YEATS4: variants seen among roughly 807,000 people sequenced by gnomAD.
YEATS4 encodes the protein YEATS domain containing 4, also known as YEATS domain-containing protein 4.
YEATS4 carries 17 observed loss-of-function variants against 30.1 expected under a neutral mutation model. The observed-to-expected ratio is 0.56, with a 90% confidence interval of 0.39 to 0.85. The LOEUF (loss-of-function observed/expected upper bound fraction) is 0.85. YEATS4 is among the 40% of genes least tolerant of loss of function. The probability of loss-of-function intolerance (pLI) is 0.00; values close to 1 mark genes in which losing one functional copy is unlikely to be tolerated. For missense variants in YEATS4, 142 were observed against 268.3 expected, an observed-to-expected ratio of 0.53 and a Z score of 3.29; for synonymous variants, 85 against 87.5, an observed-to-expected ratio of 0.97 and a Z score of 0.16.
At chr12:69,422,396 C>T in the YEATS4 span, among the ~76,000 whole-genome samples, 3 of 152,058 alleles carry the variant, frequency 2.0e-5, no homozygotes, top group Admixed American at 6.6e-5. Context: ...CTTTCAGAGG[C>T]TGAGGTGGGC....
At chr12:69,405,007 A>T in the YEATS4 span, among the ~76,000 whole-genome samples, 5 of 152,232 alleles carry the variant, frequency 3.3e-5, no homozygotes, top group Non-Finnish European at 5.9e-5. Flanking sequence ...CACAGAAAGA[A>T]GCAGAGAGAG....
intron 6 of YEATS4, among the ~76,000 whole-genome samples, chr12:69,376,091 G>T (rs1281282905): frequency 6.6e-6 from 1 of 152,170 alleles, no homozygotes; most frequent in Non-Finnish European, 1.5e-5. Context: ...TACAGGCTGG[G>T]TGTGGTGGCT....
the YEATS4 span, among the ~76,000 whole-genome samples, chr12:69,425,140 C>A: frequency 2.6e-5 from 4 of 152,172 alleles, no homozygotes; most frequent in African/African-American, 9.6e-5. Flanking sequence ...TCAGGCTGGT[C>A]TCAAACTCCC....
chr12:69,359,761 C>G lies in YEATS4; in HGVS notation c.-212C>G. The G allele has an allele frequency of 3.5e-6, 2 of 577,956 alleles. No individual in the cohort carries two copies. Among genetic ancestry groups the G allele is most frequent in the Non-Finnish European group, 6.0e-6 (2 of 335,598 alleles). 35.8% of individuals were successfully genotyped at this position (577,956 alleles called of 1,614,324 possible). A position where few individuals can be genotyped will look rare whatever the true frequency, so the allele number is the denominator to read the frequency against. Reference sequence around the variant, plus strand: ...GTCGCCCCTCTTTTCGCGGCGTTCTCCACCTGCGCGGGCCTGAATGGCCTT... The same window carrying G: ...GTCGCCCCTCTTTTCGCGGCGTTCTGCACCTGCGCGGGCCTGAATGGCCTT... On this transcript the variant is annotated 5_prime_UTR_variant, in exon 1 of 7. Transcript: ENST00000247843.
chr12:69,424,676 A>G, the YEATS4 span, among the ~76,000 whole-genome samples: 1 of 151,956 alleles, frequency 6.6e-6, no homozygotes, highest in Non-Finnish European at 1.5e-5. Flanking sequence ...TGATGGCTTT[A>G]TAAGGAGCTC....
In YEATS4 at chr12:69,383,811, G is replaced by A. The variant is rs563072184; in HGVS notation, c.515-6336G>A. ...CAGACACTGTGGGCAACTCTGTCTT[G>A]AAGCCTGGCTGTAAAGAGGAGCAGT... is the stretch of plus-strand genomic sequence containing the variant. On this transcript the variant is annotated intron_variant, in intron 6 of 6. Transcript: ENST00000247843. Among the ~76,000 whole-genome samples the A allele has an allele frequency of 2.6e-5, 4 of 152,316 alleles. No homozygotes were observed. In the South Asian group the frequency reaches 6.2e-4, roughly 24 times the overall value.
the YEATS4 span, among the ~76,000 whole-genome samples, chr12:69,419,033 A>G: frequency 6.9e-6 from 1 of 145,448 alleles, no homozygotes; most frequent in East Asian, 2.0e-4. Flanking sequence ...ATATATATAT[A>G]TGTATATGAG....
At chr12:69,419,970 T>C in the YEATS4 span, among the ~76,000 whole-genome samples, 1 of 152,216 alleles carries the variant, frequency 6.6e-6, no homozygotes, top group Non-Finnish European at 1.5e-5. Flanking sequence ...GAAATCTGGC[T>C]GGGCCTGAGT....
chr12:69,393,864 A>AT (rs1347470869), downstream of YEATS4, among the ~76,000 whole-genome samples: 2 of 152,230 alleles, frequency 1.3e-5, no homozygotes, highest in Admixed American at 6.5e-5. Context: ...AGAGAAAATC[A>AT]TTTTTTCTCC....
chr12:69,384,102 T>A (rs897104792), intron 6 of YEATS4, among the ~76,000 whole-genome samples: 1 of 152,174 alleles, frequency 6.6e-6, no homozygotes, highest in Non-Finnish European at 1.5e-5. Context: ...TCATTGAAAA[T>A]TTGTATGCTT....
At chr12:69,371,886 T>G (rs1875653334) in intron 6 of YEATS4, among the ~76,000 whole-genome samples, 1 of 152,212 alleles carries the variant, frequency 6.6e-6, no homozygotes, top group Admixed American at 6.5e-5. Flanking sequence ...CAGGAAATGC[T>G]TTCTGAGCAT....
At position 69,380,431 on chromosome 12, in the gene YEATS4, G is replaced by A. The variant is rs367900427; in HGVS notation, c.514+9456G>A. On this transcript the variant is annotated intron_variant, in intron 6 of 6. Transcript: ENST00000247843. ...TTAGCAGGCAGAGACTCTTGTTCTC[G>A]TCCCTTACTTTCTCCCAAACAAACG... 3.3e-4 allele frequency among the ~76,000 whole-genome samples: 51 copies of A among 152,308 alleles called. No individual in the cohort carries two copies. In the South Asian group the frequency reaches 9.3e-3, roughly 28 times the overall value.
intron 6 of YEATS4, among the ~76,000 whole-genome samples, chr12:69,377,034 T>C (rs1195206371): frequency 1.3e-5 from 2 of 152,216 alleles, no homozygotes; most frequent in Non-Finnish European, 2.9e-5. Context: ...ATTTCTGCAC[T>C]GTCAGTTTTA....
chr12:69,415,674 G>A, the YEATS4 span, among the ~76,000 whole-genome samples: 2 of 152,162 alleles, frequency 1.3e-5, no homozygotes, highest in Non-Finnish European at 2.9e-5. Context: ...CAATGTGTAG[G>A]AAAAGGTGGC....
the YEATS4 span, among the ~76,000 whole-genome samples, chr12:69,422,252 A>G: frequency 6.6e-6 from 1 of 152,204 alleles, no homozygotes; most frequent in East Asian, 1.9e-4. Context: ...ATGAAGGAAC[A>G]TCGAAGACCC....
the YEATS4 span, among the ~76,000 whole-genome samples, chr12:69,409,674 AT>A: frequency 6.6e-6 from 1 of 152,100 alleles, no homozygotes; most frequent in African/African-American, 2.4e-5. Context: ...TATAATTTAC[AT>A]ACTGTTATGG....
At chr12:69,384,344 ATATGT>A (rs1876190713) in intron 6 of YEATS4, among the ~76,000 whole-genome samples, 2 of 152,254 alleles carry the variant, frequency 1.3e-5, no homozygotes, top group African/African-American at 4.8e-5. Context: ...GTTATAAATA[ATATGT>A]TTTGTGAAAA....
the YEATS4 span, among the ~76,000 whole-genome samples, chr12:69,405,384 G>A: frequency 6.6e-6 from 1 of 152,258 alleles, no homozygotes; most frequent in East Asian, 1.9e-4. Flanking sequence ...TATTGGTCTC[G>A]ATTTCATGGA....
chr12:69,366,097 A>C (rs1214645170), intron 4 of YEATS4, among the ~76,000 whole-genome samples: 1 of 151,876 alleles, frequency 6.6e-6, no homozygotes, highest in African/African-American at 2.4e-5. Context: ...TAATATGAAC[A>C]TGTATTGGAA....
Sources: gnomAD v4.1 joint callset for allele counts (sites outside exome capture counted in the v4.1 genomes callset) on GRCh38, gnomAD v4.1.1 for gene constraint, MANE v1.5 for transcripts, NCBI Gene and HGNC (gene_info 2026-07-23, HGNC 2026-07-21) for gene names.